The following GALNTL5 variants were observed in gnomAD, a reference collection of about 807,000 sequenced individuals.
GALNTL5 encodes inactive polypeptide N-acetylgalactosaminyltransferase-like protein 5.
GALNTL5 carries 44 observed loss-of-function variants against 51.0 expected under a neutral mutation model. That is an observed-to-expected ratio of 0.86 (90% CI 0.68 to 1.11). GALNTL5 has a LOEUF of 1.11. Among genes scored for constraint, GALNTL5 ranks in the 50% least tolerant of loss-of-function variants. The pLI, the probability that GALNTL5 is intolerant of heterozygous loss-of-function variation, is 0.00. For synonymous variants in GALNTL5, 192 were observed against 182.8 expected, an observed-to-expected ratio of 1.05 and a Z score of -0.41; for missense variants, 528 against 531.8, an observed-to-expected ratio of 0.99 and a Z score of 0.07.
chr7:151,975,405 C>A (rs2081193525), intron 3 of GALNTL5, among the ~76,000 whole-genome samples: 1 of 151,868 alleles, frequency 6.6e-6, no homozygotes, highest in South Asian at 2.1e-4. Flanking sequence ...TCTGTGATAT[C>A]AATTATGTCT....
In GALNTL5 at chr7:151,970,664, C is replaced by G. The variant is rs1156937630; in HGVS notation, c.248-281C>G. 19 of 235,086 alleles carry G rather than the reference C, an allele frequency of 8.1e-5. No individual in the cohort carries two copies. In the Admixed American group the frequency reaches 9.0e-4, roughly 11 times the overall value. The allele number at this position is 235,086 out of a possible 1,614,324, so 14.6% of individuals were successfully genotyped here. On this transcript the variant is annotated intron_variant, in intron 2 of 8. Coordinates refer to ENST00000392800, the MANE Select transcript of GALNTL5 (RefSeq NM_145292.4). ...GATTGGAAGCTTCCTGAGGCCCCCACCAGGAGCAGATGCTGGCTCAATGCT... is the reference window on the plus strand; with the variant it reads ...GATTGGAAGCTTCCTGAGGCCCCCAGCAGGAGCAGATGCTGGCTCAATGCT...
chr7:151,990,592 A>AAAAAAAAAAAAAG (rs1268626448), intron 5 of GALNTL5, among the ~76,000 whole-genome samples: 1 of 147,078 alleles, frequency 6.8e-6, no homozygotes, highest in African/African-American at 2.5e-5. Flanking sequence ...AAAAAAAAAA[A>AAAAAAAAAAAAAG]GCCCACTTTC....
intron 8 of GALNTL5, among the ~76,000 whole-genome samples, chr7:152,016,182 A>G (rs1413907708): frequency 1.3e-5 from 2 of 152,178 alleles, no homozygotes; most frequent in African/African-American, 4.8e-5. Flanking sequence ...AGGCAGGCAG[A>G]TCACCTGAGG....
rs770166154 is a variant in GALNTL5 at position 152,014,706 on chromosome 7, G to C, written c.1089G>C (p.Lys363Asn). Residue 363 changes from lysine (K) to asparagine (N), a missense_variant, in exon 8 of 9, where the codon AAG (lysine) becomes AAC (asparagine). Lys to Asn is a moderately conservative substitution (Grantham distance 94). Coordinates refer to ENST00000392800, the MANE Select transcript of GALNTL5 (RefSeq NM_145292.4). ...IPCSRVGHIS[K>N]KQTGKPSTII... ...GCTCTCGAGTAGGACATATCAGTAAGAAACAAACTGGAAAACCTTCTACAA... is the reference window on the plus strand; with the variant it reads ...GCTCTCGAGTAGGACATATCAGTAACAAACAAACTGGAAAACCTTCTACAA... The C allele has an allele frequency of 9.3e-6, 15 of 1,613,920 alleles. No homozygotes were observed. The Admixed American group carries it at 1.5e-4, about 16-fold the overall frequency.
chr7:151,979,110 T>TG (rs1263466583), intron 3 of GALNTL5, among the ~76,000 whole-genome samples: 2 of 143,874 alleles, frequency 1.4e-5, no homozygotes, highest in Non-Finnish European at 3.0e-5. Context: ...TTTACTCTTT[T>TG]TTTTTTTTTT....
At chr7:152,017,224 T>C (rs893106706) in intron 8 of GALNTL5, among the ~76,000 whole-genome samples, 1 of 152,158 alleles carries the variant, frequency 6.6e-6, no homozygotes, top group Admixed American at 6.5e-5. Context: ...CTTGGCTATA[T>C]GGTATGGCCC....
intron 4 of GALNTL5, among the ~76,000 whole-genome samples, chr7:151,985,111 C>T (rs1487428155): frequency 6.6e-6 from 1 of 152,194 alleles, no homozygotes; most frequent in Non-Finnish European, 1.5e-5. Context: ...GCTATGTCCT[C>T]ATGTTGTGGA....
intron 6 of GALNTL5, among the ~76,000 whole-genome samples, chr7:152,006,673 T>A (rs1372277354): frequency 1.3e-5 from 2 of 152,182 alleles, no homozygotes; most frequent in Non-Finnish European, 2.9e-5. Flanking sequence ...TACACATGGG[T>A]CTTGGTTTGT....
At chr7:151,979,758 G>GCCACAAT (rs2081256275) in intron 3 of GALNTL5, among the ~76,000 whole-genome samples, 1 of 151,926 alleles carries the variant, frequency 6.6e-6, no homozygotes, top group African/African-American at 2.4e-5. Flanking sequence ...CACCTGGCCA[G>GCCACAAT]GAAAGTTTTT....
chr7:151,969,747 A>T (rs537453195), intron 2 of GALNTL5, among the ~76,000 whole-genome samples: 1 of 152,278 alleles, frequency 6.6e-6, no homozygotes, highest in Admixed American at 6.5e-5. Flanking sequence ...GGCTGCACTT[A>T]GCTGATAAGA....
At chr7:152,011,054 A>G (rs1347708409) in intron 7 of GALNTL5, among the ~76,000 whole-genome samples, 1 of 152,204 alleles carries the variant, frequency 6.6e-6, no homozygotes, top group Non-Finnish European at 1.5e-5. Context: ...TAGTGGAGAA[A>G]CCGAGCCACA....
intron 6 of GALNTL5, among the ~76,000 whole-genome samples, chr7:152,004,089 AGT>A (rs1333904174): frequency 6.6e-6 from 1 of 152,022 alleles, no homozygotes; most frequent in Admixed American, 6.6e-5. Flanking sequence ...AGATATATAT[AGT>A]GTGTCAATAT....
intron 5 of GALNTL5, among the ~76,000 whole-genome samples, chr7:152,000,364 C>G (rs992626969): frequency 2.6e-4 from 39 of 152,176 alleles, no homozygotes; most frequent in African/African-American, 8.9e-4. Context: ...AATGCACTTG[C>G]CCAGTTTGTG....
intron 1 of GALNTL5, among the ~76,000 whole-genome samples, chr7:151,964,631 T>A (rs2081034321): frequency 6.6e-6 from 1 of 152,200 alleles, no homozygotes; most frequent in Non-Finnish European, 1.5e-5. Flanking sequence ...CCCCTTTTCC[T>A]GTATAAATTA....
At chr7:152,012,395 C>A (rs1408334176) in intron 7 of GALNTL5, among the ~76,000 whole-genome samples, 5 of 151,910 alleles carry the variant, frequency 3.3e-5, no homozygotes, top group African/African-American at 4.8e-5. Context: ...AACAAACAAA[C>A]AAAAAAACAA....
At chr7:151,996,811 A>G (rs760620374) in intron 5 of GALNTL5, among the ~76,000 whole-genome samples, 1 of 152,128 alleles carries the variant, frequency 6.6e-6, no homozygotes, top group Non-Finnish European at 1.5e-5. Context: ...AAAAGAAAAA[A>G]TATTTTTAAG....
intron 5 of GALNTL5, among the ~76,000 whole-genome samples, chr7:151,997,269 A>G (rs531817631): frequency 2.6e-5 from 4 of 152,350 alleles, no homozygotes; most frequent in Non-Finnish European, 1.5e-5. Flanking sequence ...AATCTGATGA[A>G]TGTCTGATAG....
intron 5 of GALNTL5, among the ~76,000 whole-genome samples, chr7:151,997,758 T>C (rs1269093765): frequency 6.6e-6 from 1 of 152,218 alleles, no homozygotes; most frequent in Non-Finnish European, 1.5e-5. Context: ...ACCACAAATC[T>C]GTATGGGAAA....
In GALNTL5 at chr7:151,987,619, G is replaced by T. The variant is rs552495540; in HGVS notation, c.658+338G>T. On this transcript the variant is annotated intron_variant, in intron 5 of 8. Transcript: ENST00000392800. ...AAGAGTGAGGAGAGCAAGACTGGGG[G>T]TGGGGTGGGCGGGAGGGAGCTGCAG... 1.8e-4 allele frequency among the ~76,000 whole-genome samples: 27 copies of T among 149,852 alleles called. No individual in the cohort carries two copies. The South Asian group carries it at 5.5e-3, about 30-fold the overall frequency.
Sources: gnomAD v4.1 joint callset for allele counts (sites outside exome capture counted in the v4.1 genomes callset) on GRCh38, gnomAD v4.1.1 for gene constraint, MANE v1.5 for transcripts, NCBI Gene and HGNC (gene_info 2026-07-23, HGNC 2026-07-21) for gene names.